Variants in LURAP1L observed in about 807,000 individuals in gnomAD.
LURAP1L encodes the protein leucine rich adaptor protein 1 like, also known as leucine rich adaptor protein 1-like.
LURAP1L carries 12 observed loss-of-function variants against 13.8 expected under a neutral mutation model. The observed-to-expected ratio is 0.87, with a 90% CI of 0.56 to 1.41. The LOEUF is 1.41. Among genes scored for constraint, LURAP1L ranks in the 40% most tolerant of loss-of-function variants. The pLI, the probability that LURAP1L is intolerant of heterozygous loss-of-function variation, is 0.00. For missense variants in LURAP1L, 375 were observed against 292.9 expected, an observed-to-expected ratio of 1.28 and a Z score of -2.04; for synonymous variants, 139 against 119.2, an observed-to-expected ratio of 1.17 and a Z score of -1.08.
In LURAP1L at chr9:12,818,071, G is replaced by A. The variant is rs112835631; in HGVS notation, c.313-3315G>A. The stretch of plus-strand genomic sequence containing the variant: ...CAGATCAACACGTTCTAACTGACTT[G>A]CTTGTGTCGTTTTTTTCCCCAACAG... On this transcript the variant is annotated intron_variant, in intron 1 of 1. Coordinates refer to ENST00000319264, the MANE Select transcript of LURAP1L (RefSeq NM_203403.2). 2.6e-3 allele frequency among the ~76,000 whole-genome samples: 391 copies of A among 149,808 alleles called. 3 individuals are homozygous for A. The highest frequency in any genetic ancestry group is 9.2e-3 in the African/African-American group (374 of 40,612).
chr9:12,817,338 T>C (rs558954783), intron 1 of LURAP1L, among the ~76,000 whole-genome samples: 1 of 152,302 alleles, frequency 6.6e-6, no homozygotes, highest in East Asian at 1.9e-4. Flanking sequence ...ATTCAGCACC[T>C]ACTTGTGTGA....
At chr9:12,814,271 G>C (rs1317101992) in intron 1 of LURAP1L, 1 of 152,126 alleles carries the variant, frequency 6.6e-6, no homozygotes, top group African/African-American at 2.4e-5. Context: ...AAATTGAAAA[G>C]ACACACATGC....
chr9:12,805,232 C>G (rs1819640569), intron 1 of LURAP1L, among the ~76,000 whole-genome samples: 1 of 151,816 alleles, frequency 6.6e-6, no homozygotes, highest in Non-Finnish European at 1.5e-5. Context: ...AGATCAGTTT[C>G]TTTATTTTAT....
chr9:12,776,963 A>T (rs796682480), intron 1 of LURAP1L, among the ~76,000 whole-genome samples: 24 of 152,310 alleles, frequency 1.6e-4, no homozygotes, highest in African/African-American at 5.5e-4. Context: ...AGTCCTTTGA[A>T]AAAAACGACC....
At chr9:12,793,396 T>A (rs1819470299) in intron 1 of LURAP1L, among the ~76,000 whole-genome samples, 1 of 152,100 alleles carries the variant, frequency 6.6e-6, no homozygotes, top group Non-Finnish European at 1.5e-5. Flanking sequence ...GTACTTATAT[T>A]TGTTGTCCAT....
intron 1 of LURAP1L, among the ~76,000 whole-genome samples, chr9:12,782,595 G>T (rs1311348792): frequency 1.3e-5 from 2 of 152,094 alleles, no homozygotes; most frequent in Non-Finnish European, 2.9e-5. Flanking sequence ...CCATTGCTCA[G>T]TGTGTCTGTT....
chr9:12,808,232 T>G (rs1360863349), intron 1 of LURAP1L, among the ~76,000 whole-genome samples: 1 of 152,256 alleles, frequency 6.6e-6, no homozygotes. Context: ...AAGAACTTTT[T>G]AAAATATTAC....
intron 1 of LURAP1L, among the ~76,000 whole-genome samples, chr9:12,779,493 C>T (rs1819239946): frequency 1.3e-5 from 2 of 152,042 alleles, no homozygotes; most frequent in Admixed American, 1.3e-4. Context: ...CTAGGATGGT[C>T]TCTATCTCCT....
At chr9:12,787,159 C>T (rs1011240588) in intron 1 of LURAP1L, among the ~76,000 whole-genome samples, 2 of 152,018 alleles carry the variant, frequency 1.3e-5, no homozygotes, top group Non-Finnish European at 2.9e-5. Context: ...AATTCCTATT[C>T]CCTAGAGATG....
intron 1 of LURAP1L, among the ~76,000 whole-genome samples, chr9:12,799,436 A>C (rs1184351180): frequency 2.0e-5 from 3 of 152,224 alleles, no homozygotes; most frequent in African/African-American, 7.2e-5. Context: ...AAATTAGGTA[A>C]TGTGTATTGG....
intron 1 of LURAP1L, among the ~76,000 whole-genome samples, chr9:12,814,935 T>C (rs1444531140): frequency 6.6e-6 from 1 of 152,188 alleles, no homozygotes; most frequent in Non-Finnish European, 1.5e-5. Flanking sequence ...AATTTTGTTG[T>C]AAATTTTGAA....
chr9:12,781,926 G>T (rs2118463669), intron 1 of LURAP1L, among the ~76,000 whole-genome samples: 1 of 152,146 alleles, frequency 6.6e-6, no homozygotes, highest in South Asian at 2.1e-4. Flanking sequence ...ATTAATTATT[G>T]TTTGTTGTTT....
chr9:12,802,723 T>A (rs1819603697), intron 1 of LURAP1L, among the ~76,000 whole-genome samples: 1 of 152,140 alleles, frequency 6.6e-6, no homozygotes, highest in Admixed American at 6.5e-5. Context: ...TAGGATAATG[T>A]GTTGAGCTTG....
intron 1 of LURAP1L, among the ~76,000 whole-genome samples, chr9:12,810,500 T>A (rs1170518018): frequency 1.3e-5 from 2 of 152,202 alleles, no homozygotes; most frequent in African/African-American, 4.8e-5. Context: ...GAGTGATGAC[T>A]TCTTAGCCCT....
At chr9:12,802,312 T>C (rs764308660) in intron 1 of LURAP1L, among the ~76,000 whole-genome samples, 2 of 152,062 alleles carry the variant, frequency 1.3e-5, no homozygotes, top group Non-Finnish European at 2.9e-5. Flanking sequence ...GTGGTGGAGG[T>C]TGGGCCTGGT....
intron 1 of LURAP1L, among the ~76,000 whole-genome samples, chr9:12,818,901 C>T (rs1465163272): frequency 6.6e-6 from 1 of 152,170 alleles, no homozygotes; most frequent in Non-Finnish European, 1.5e-5. Context: ...CAGATGCCTG[C>T]TGAATGATTT....
chr9:12,789,827 C>T (rs1225361147), intron 1 of LURAP1L, among the ~76,000 whole-genome samples: 2 of 152,068 alleles, frequency 1.3e-5, no homozygotes, highest in African/African-American at 2.4e-5. Flanking sequence ...GCCCAGAGAG[C>T]AGAAAAGATT....
chr9:12,782,076 A>G (rs963510526), intron 1 of LURAP1L, among the ~76,000 whole-genome samples: 49 of 152,134 alleles, frequency 3.2e-4, no homozygotes, highest in African/African-American at 1.1e-3. Context: ...GTCTATTCAG[A>G]TCTTTTGTCT....
intron 1 of LURAP1L, among the ~76,000 whole-genome samples, chr9:12,782,836 C>T (rs1819291322): frequency 6.6e-6 from 1 of 152,080 alleles, no homozygotes; most frequent in Admixed American, 6.5e-5. Context: ...AAATGTTGAT[C>T]TTCCAATCCA....
Sources: gnomAD v4.1 joint callset for allele counts (sites outside exome capture counted in the v4.1 genomes callset) on GRCh38, gnomAD v4.1.1 for gene constraint, MANE v1.5 for transcripts, NCBI Gene and HGNC (gene_info 2026-07-23, HGNC 2026-07-21) for gene names.